ITGA9: variants seen among roughly 807,000 people sequenced by gnomAD.
The protein encoded by ITGA9 is integrin subunit alpha 9.
Under a neutral mutation model 127.8 loss-of-function variants are expected in ITGA9, and 56 were observed. The observed-to-expected ratio is 0.44, with a 90% CI of 0.35 to 0.55. ITGA9 has a LOEUF of 0.55. ITGA9 is among the 20% of genes least tolerant of loss of function. ITGA9 has a pLI of 0.00. For missense variants in ITGA9, 1,196 were observed against 1,347.1 expected (o/e 0.89, Z 1.76); for synonymous variants, 508 against 514.5 (o/e 0.99, Z 0.17).
At position 37,533,304 on chromosome 3, in the gene ITGA9, T is replaced by C. The variant is rs951605136; in HGVS notation, c.1374-10T>C. The C allele has an allele frequency of 6.2e-7, 1 of 1,613,632 alleles. No homozygotes were observed. The highest frequency in any genetic ancestry group is 1.3e-5 in the African/African-American group (1 of 74,924). Reference sequence around the variant, plus strand: ...CCACGACTAAGTCACCTTCCTCTCTTGCCCTGCAGAGCAAGGCCTGTCATT... The same window carrying C: ...CCACGACTAAGTCACCTTCCTCTCTCGCCCTGCAGAGCAAGGCCTGTCATT... On this transcript the variant is annotated splice_polypyrimidine_tract_variant and intron_variant, in intron 13 of 27. Coordinates refer to ENST00000264741, the MANE Select transcript of ITGA9 (RefSeq NM_002207.3).
intron 13 of ITGA9, among the ~76,000 whole-genome samples, chr3:37,527,219 T>C (rs1202842817): frequency 6.6e-6 from 1 of 152,230 alleles, no homozygotes; most frequent in Non-Finnish European, 1.5e-5. Flanking sequence ...CAACTTAGGA[T>C]GGGTTTATCC....
chr3:37,763,083 C>A (rs915789453), intron 23 of ITGA9, among the ~76,000 whole-genome samples: 1 of 152,230 alleles, frequency 6.6e-6, no homozygotes, highest in Non-Finnish European at 1.5e-5. Context: ...CCAGCATATG[C>A]TAAGCACCTA....
intron 15 of ITGA9, among the ~76,000 whole-genome samples, chr3:37,544,418 A>G (rs140352383): frequency 9.8e-5 from 15 of 152,328 alleles, no homozygotes; most frequent in African/African-American, 3.6e-4. Flanking sequence ...TTTTAGTATG[A>G]GTGTGTCCCA....
intron 22 of ITGA9, among the ~76,000 whole-genome samples, chr3:37,747,322 C>T (rs886427281): frequency 6.6e-6 from 1 of 152,050 alleles, no homozygotes; most frequent in East Asian, 1.9e-4. Flanking sequence ...TGTTTTGATA[C>T]AGGCATGCAG....
At chr3:37,737,015 G>T (rs1233516502) in intron 20 of ITGA9, 32 bp downstream of exon 20, 3 of 1,376,204 alleles carry the variant, frequency 2.2e-6, no homozygotes, top group Non-Finnish European at 3.1e-6. Context: ...TTTTTTCAAA[G>T]ATGAGAGATT....
At chr3:37,818,263 T>C (rs1201662217) in intron 27 of ITGA9, 2 of 135,346 alleles carry the variant, frequency 1.5e-5, no homozygotes, top group African/African-American at 5.7e-5. Flanking sequence ...TTTTTTTTTT[T>C]TTTTTTTTTT....
intron 26 of ITGA9, among the ~76,000 whole-genome samples, chr3:37,789,523 G>T (rs1697079785): frequency 6.6e-6 from 1 of 151,716 alleles, no homozygotes; most frequent in Non-Finnish European, 1.5e-5. Flanking sequence ...ACTTTGGGAG[G>T]CCAAGGCGGG....
At chr3:37,815,374 C>G (rs900875348) in intron 27 of ITGA9, among the ~76,000 whole-genome samples, 1 of 152,178 alleles carries the variant, frequency 6.6e-6, no homozygotes, top group African/African-American at 2.4e-5. Flanking sequence ...TTTGGGAAGC[C>G]AAGGCAGGCG....
At position 37,822,698 on chromosome 3, in the gene ITGA9, C is replaced by A. The variant is rs1380571530; in HGVS notation, c.*3709C>A. 2 of 152,218 alleles carry A rather than the reference C, an allele frequency of 1.3e-5. No homozygotes were observed. The highest frequency in any genetic ancestry group is 2.9e-5 in the Non-Finnish European group (2 of 68,032). The allele number at this position is 152,218 out of a possible 1,614,324, so 9.4% of individuals were successfully genotyped here. On this transcript the variant is annotated 3_prime_UTR_variant, in exon 28 of 28. Coordinates refer to ENST00000264741, the MANE Select transcript of ITGA9 (RefSeq NM_002207.3). ...TCCTGGGAACATCCTGTTTTCCATGCGGAAGCATAGCAGATCCCCAGACGA... is the reference window on the plus strand; with the variant it reads ...TCCTGGGAACATCCTGTTTTCCATGAGGAAGCATAGCAGATCCCCAGACGA...
At chr3:37,675,574 A>G (rs1226402684) in intron 17 of ITGA9, among the ~76,000 whole-genome samples, 1 of 152,126 alleles carries the variant, frequency 6.6e-6, no homozygotes, top group African/African-American at 2.4e-5. Flanking sequence ...GCTCATTTGC[A>G]CAACATACAA....
At chr3:37,535,494 T>C (rs267554) in intron 14 of ITGA9, among the ~76,000 whole-genome samples, 86,953 of 152,042 alleles carry the variant, frequency 0.57, 25,362 homozygotes, top group East Asian at 0.81. Context: ...CTGCTAAGCA[T>C]AATTAGAATG....
In ITGA9 at chr3:37,785,022, G is replaced by A. The variant is rs1575236531; in HGVS notation, c.2833G>A (p.Val945Met). The change falls in exon 26 of 28, where the codon GTG becomes ATG. Residue 945 changes from valine to methionine, a missense_variant. Val to Met is a conservative substitution (Grantham distance 21). Coordinates refer to ENST00000264741, the MANE Select transcript of ITGA9 (RefSeq NM_002207.3). ...GTTCATGTCCCGCGCCAAGGTGAAG[G>A]TGGATCCTGCCCTAAGGGTGGTGGA... Reference protein sequence around the residue: ...IQFMSRAKVKVDPALRVVEIA... With the variant: ...IQFMSRAKVKMDPALRVVEIA... The A allele has an allele frequency of 6.2e-7, 1 of 1,614,180 alleles. No homozygotes were observed. Among genetic ancestry groups the A allele is most frequent in the Non-Finnish European group, 8.5e-7 (1 of 1,180,020 alleles).
At chr3:37,685,810 T>C (rs1700777240) in intron 18 of ITGA9, among the ~76,000 whole-genome samples, 1 of 152,218 alleles carries the variant, frequency 6.6e-6, no homozygotes, top group Non-Finnish European at 1.5e-5. Context: ...ATTCTCTTTA[T>C]TGGCTGCTAG....
At chr3:37,458,230 C>T (rs1446673369) in intron 1 of ITGA9, among the ~76,000 whole-genome samples, 5 of 152,192 alleles carry the variant, frequency 3.3e-5, no homozygotes, top group African/African-American at 1.2e-4. Context: ...TACAGAGTTA[C>T]ACGCCTTGTT....
intron 17 of ITGA9, among the ~76,000 whole-genome samples, chr3:37,667,918 G>A (rs759610204): frequency 6.6e-6 from 1 of 152,176 alleles, no homozygotes; most frequent in South Asian, 2.1e-4. Flanking sequence ...AACCTGGCCT[G>A]TCTTTAGGTG....
At chr3:37,767,510 T>A (rs1268729132) in intron 23 of ITGA9, among the ~76,000 whole-genome samples, 1 of 152,210 alleles carries the variant, frequency 6.6e-6, no homozygotes, top group African/African-American at 2.4e-5. Context: ...TTTAACTTCT[T>A]GCTCCACCTG....
At chr3:37,489,719 G>C (rs1036265566) in intron 4 of ITGA9, among the ~76,000 whole-genome samples, 39 of 129,628 alleles carry the variant, frequency 3.0e-4, no homozygotes, top group Middle Eastern at 5.0e-3. Flanking sequence ...TACTAGAGCT[G>C]TGTCTGCCCA....
intron 20 of ITGA9, among the ~76,000 whole-genome samples, chr3:37,737,697 A>C (rs947786942): frequency 1.3e-5 from 2 of 152,146 alleles, no homozygotes; most frequent in Admixed American, 6.5e-5. Flanking sequence ...CAGGTGGGTG[A>C]ACAGGGAGAC....
chr3:37,654,357 A>G (rs1198038630), intron 17 of ITGA9, among the ~76,000 whole-genome samples: 1 of 152,148 alleles, frequency 6.6e-6, no homozygotes, highest in Non-Finnish European at 1.5e-5. Flanking sequence ...GCACTGCATG[A>G]ATCCCCCAAG....
Sources: allele counts gnomAD v4.1 joint callset (sites outside exome capture counted in the v4.1 genomes callset), GRCh38; gene constraint gnomAD v4.1.1; transcripts MANE v1.5; gene names NCBI Gene and HGNC (gene_info 2026-07-23, HGNC 2026-07-21).